Variants in ATXN3 observed in about 807,000 individuals in gnomAD.
ATXN3 encodes the protein ataxin-3.
Under a neutral mutation model 58.2 loss-of-function variants are expected in ATXN3, and 28 were observed. The observed-to-expected ratio is 0.48, with a 90% CI of 0.36 to 0.66. The LOEUF (loss-of-function observed/expected upper bound fraction) is 0.66, where lower values mean the gene tolerates loss of function less well. Ranked by LOEUF, ATXN3 falls within the 30% of genes least tolerant of loss-of-function variation. ATXN3 has a pLI of 0.00. For missense variants in ATXN3, 321 were observed against 422.1 expected (o/e 0.76, Z 2.10); for synonymous variants, 113 against 138.5 (o/e 0.82, Z 1.29).
downstream of ATXN3, among the ~76,000 whole-genome samples, chr14:92,056,509 C>CA (rs1566885128): frequency 1.3e-5 from 2 of 151,890 alleles, no homozygotes; most frequent in Admixed American, 1.3e-4. Context: ...ACACTAGTCA[C>CA]AAAAAAACCC....
intron 1 of ATXN3, 138 bp from the exon 2 acceptor site, chr14:92,096,976 T>C (rs554358870): frequency 3.8e-4 from 265 of 702,840 alleles, no homozygotes; most frequent in East Asian, 3.7e-4. Flanking sequence ...GGCGCTATCT[T>C]GGCTCACTGC....
chr14:92,097,232 T>A (rs899201330), intron 1 of ATXN3, among the ~76,000 whole-genome samples: 2 of 74,276 alleles, frequency 2.7e-5, no homozygotes, highest in Admixed American at 1.3e-4. Context: ...TAATCATTAA[T>A]TTTTTTTTTT....
At chr14:92,104,642 A>T (rs1023506300) in intron 1 of ATXN3, among the ~76,000 whole-genome samples, 2 of 151,666 alleles carry the variant, frequency 1.3e-5, no homozygotes. Context: ...TAACAAAAAT[A>T]TGGCCGGGTG....
chr14:92,049,903 G>C (rs1162450697), upstream of ATXN3: 1 of 152,250 alleles, frequency 6.6e-6, no homozygotes, highest in Non-Finnish European at 1.5e-5. Flanking sequence ...CAGAATCCTT[G>C]GCAGGTTAGA....
intron 1 of ATXN3, 49 bp downstream of exon 1, chr14:92,106,480 C>G (rs1335358946): frequency 4.3e-6 from 7 of 1,611,670 alleles, no homozygotes; most frequent in Non-Finnish European, 5.1e-6. Flanking sequence ...CCGCGCTCCA[C>G]GCCCGCCACC....
chr14:92,079,147 T>C (rs535274801), intron 9 of ATXN3, among the ~76,000 whole-genome samples: 16 of 147,036 alleles, frequency 1.1e-4, no homozygotes, highest in South Asian at 8.5e-4. Flanking sequence ...AATTGTGCCA[T>C]TGCACTCCAG....
rs748604134 is a variant in ATXN3, at chr14:92,082,288, G to C, written c.775+12C>G. On this transcript the variant is annotated intron_variant, in intron 8 of 10. Transcript: ENST00000644486. ...TCAGCAATGAATACAACACACATCA[G>C]AATGTCTTTACCTTGCATACTTAGC... The C allele has an allele frequency of 1.9e-6, 3 of 1,608,202 alleles. No homozygotes were observed. The Admixed American group carries it at 5.1e-5, about 27-fold the overall frequency.
chr14:92,057,306 C>T (rs1275917821), downstream of ATXN3, among the ~76,000 whole-genome samples: 1 of 152,178 alleles, frequency 6.6e-6, no homozygotes, highest in Non-Finnish European at 1.5e-5. Flanking sequence ...GTCCCAGCTA[C>T]TCAGGAGGCT....
At chr14:92,079,489 A>C (rs1035710161) in intron 9 of ATXN3, 35 of 956,416 alleles carry the variant, frequency 3.7e-5, no homozygotes, top group Non-Finnish European at 4.2e-5. Context: ...AAACAGAAAA[A>C]AAGGTAAATA....
chr14:92,103,170 A>T (rs1392073368), intron 1 of ATXN3, among the ~76,000 whole-genome samples: 1 of 151,726 alleles, frequency 6.6e-6, no homozygotes, highest in Admixed American at 6.6e-5. Context: ...ACAAAAATCC[A>T]GTAGTGGTCA....
intron 3 of ATXN3, among the ~76,000 whole-genome samples, chr14:92,095,050 C>T (rs1753673164): frequency 6.7e-6 from 1 of 150,340 alleles, no homozygotes; most frequent in African/African-American, 2.5e-5. Flanking sequence ...AAGAATCTTG[C>T]GAGTACATAT....
At chr14:92,100,307 CA>C (rs2141247625) in intron 1 of ATXN3, among the ~76,000 whole-genome samples, 1 of 152,116 alleles carries the variant, frequency 6.6e-6, no homozygotes, top group South Asian at 2.1e-4. Flanking sequence ...ATACATTCAT[CA>C]AAAGACATGT....
chr14:92,096,977 G>A (rs1250522809), intron 1 of ATXN3, 139 bp from the exon 2 acceptor site: 1 of 700,244 alleles, frequency 1.4e-6, no homozygotes, highest in East Asian at 3.1e-5. Flanking sequence ...GCGCTATCTT[G>A]GCTCACTGCA....
At chr14:92,082,590 T>C in intron 7 of ATXN3, 124 bp from the exon 8 acceptor site, 1 of 904,098 alleles carries the variant, frequency 1.1e-6, no homozygotes, top group Non-Finnish European at 1.6e-6. Context: ...GCAAATAAGC[T>C]CTAGTAATAT....
Position 92,060,558 on chromosome 14 carries a change from C to G in ATXN3, c.*3762G>C, listed in dbSNP as rs1463024444. Reference sequence around the variant, plus strand: ...ACAGGCGTGAGCCACTGCACCCAGCCGGGAGATCATCAATATTAACTATTG... The same window carrying G: ...ACAGGCGTGAGCCACTGCACCCAGCGGGGAGATCATCAATATTAACTATTG... On this transcript the variant is annotated 3_prime_UTR_variant, in exon 11 of 11. Coordinates refer to ENST00000644486, the MANE Select transcript of ATXN3 (RefSeq NM_004993.6). 6.6e-6 allele frequency: 1 copy of G among 151,748 alleles called. No homozygotes were observed. The highest frequency in any genetic ancestry group is 6.6e-5 in the Admixed American group (1 of 15,230). The allele number at this position is 151,748 out of a possible 1,614,324, so 9.4% of individuals were successfully genotyped here.
At chr14:92,091,331 G>C (rs2063738462) in intron 5 of ATXN3, among the ~76,000 whole-genome samples, 2 of 152,070 alleles carry the variant, frequency 1.3e-5, no homozygotes. Context: ...CGTGGCTGTA[G>C]ACACAGCTAT....
chr14:92,076,537 A>G (rs10150068), intron 9 of ATXN3, among the ~76,000 whole-genome samples: 43,489 of 151,314 alleles, frequency 0.29, 6,677 homozygotes, highest in East Asian at 0.44. Flanking sequence ...GTAAAAGAGC[A>G]GTTTATTTTT....
intron 3 of ATXN3, among the ~76,000 whole-genome samples, chr14:92,095,400 C>G (rs1336391942): frequency 6.6e-6 from 1 of 151,914 alleles, no homozygotes; most frequent in Non-Finnish European, 1.5e-5. Context: ...CGTGTCACCA[C>G]GTCCAGCTAA....
In ATXN3 at chr14:92,106,543, T is replaced by G. The variant is rs1596104708; in HGVS notation, c.10A>C (p.Ile4Leu). The change falls in exon 1 of 11, where the codon ATC (isoleucine) becomes CTC (leucine). Residue 4 changes from isoleucine (I) to leucine (L), a missense_variant. Transcript: ENST00000644486. Reference sequence around the variant, plus strand: ...CGGACACTCACTTTCTCGTGGAAGATGGACTCCATGTTTATTTGTCTGGAG... The same window carrying G: ...CGGACACTCACTTTCTCGTGGAAGAGGGACTCCATGTTTATTTGTCTGGAG... MES[I>L]FHEKQEGSLC... The G allele has an allele frequency of 1.2e-6, 2 of 1,613,262 alleles. No individual in the cohort carries two copies. The highest frequency in any genetic ancestry group is 1.7e-6 in the Non-Finnish European group (2 of 1,179,560).
Sources: allele counts gnomAD v4.1 joint callset (sites outside exome capture counted in the v4.1 genomes callset), GRCh38; gene constraint gnomAD v4.1.1; transcripts MANE v1.5; gene names NCBI Gene and HGNC (gene_info 2026-07-23, HGNC 2026-07-21).